ITGB1: variants seen among roughly 807,000 people sequenced by gnomAD.
The protein encoded by ITGB1 is integrin beta-1.
Under a neutral mutation model 86.5 loss-of-function variants are expected in ITGB1, and 24 were observed. The ratio of observed to expected loss-of-function variants is 0.28; its 90% CI spans 0.20 to 0.39. The LOEUF (loss-of-function observed/expected upper bound fraction) is 0.39. Ranked by LOEUF, ITGB1 falls within the 10% of genes least tolerant of loss-of-function variation. ITGB1 has a pLI of 1.00. For missense variants in ITGB1, 556 were observed against 946.9 expected (o/e 0.59, Z 5.42); for synonymous variants, 323 against 316.8 (o/e 1.02, Z -0.21).
chr10:32,930,159 C>T, intron 3 of ITGB1, 115 bp from the exon 4 acceptor site: 1 of 631,262 alleles, frequency 1.6e-6, no homozygotes, highest in Non-Finnish European at 2.8e-6. Flanking sequence ...TCTAATGTAC[C>T]CCAATTCTGG....
chr10:32,911,847 G>A (rs2094914446), intron 12 of ITGB1, 39 bp downstream of exon 12: 1 of 1,542,534 alleles, frequency 6.5e-7, no homozygotes, highest in East Asian at 2.2e-5. Flanking sequence ...GGCATTAGAT[G>A]GGATCACATC....
At chr10:32,939,281 G>A (rs978633710) in intron 1 of ITGB1, among the ~76,000 whole-genome samples, 1 of 152,152 alleles carries the variant, frequency 6.6e-6, no homozygotes, top group African/African-American at 2.4e-5. Flanking sequence ...TAATTCTAAC[G>A]CTTGTCTCCT....
rs750070204 is a variant in ITGB1, at chr10:32,932,619, A to T, written c.68-19T>A. ...TTTTCATCTGTCAGAAAGAAGAAAG[A>T]ACAGAACATTTTATGTGAAGTGTCA... On this transcript the variant is annotated intron_variant, in intron 2 of 15. Coordinates refer to ENST00000302278, the MANE Select transcript of ITGB1 (RefSeq NM_002211.4). The T allele has an allele frequency of 1.7e-5, 24 of 1,380,548 alleles. No individual in the cohort carries two copies. The East Asian group carries it at 5.5e-4, about 32-fold the overall frequency. 85.5% of individuals were successfully genotyped at this position (1,380,548 alleles called of 1,614,324 possible).
intron 1 of ITGB1, 79 bp from the exon 2 acceptor site, chr10:32,935,637 C>A: frequency 1.0e-6 from 1 of 974,958 alleles, no homozygotes; most frequent in South Asian, 1.4e-5. Flanking sequence ...ATTACCCCAC[C>A]GTACCTTCTA....
chr10:32,917,805 GA>G (rs1171666567), intron 11 of ITGB1, among the ~76,000 whole-genome samples: 3 of 152,060 alleles, frequency 2.0e-5, no homozygotes, highest in Non-Finnish European at 4.4e-5. Flanking sequence ...AAGGATCTAG[GA>G]CTAGAAATAC....
Position 32,944,814 on chromosome 10 carries a change from C to T in ITGB1, c.1-9256G>A, listed in dbSNP as rs1593884596. 4 of 911,732 alleles carry T rather than the reference C, an allele frequency of 4.4e-6. No homozygotes were observed. In the East Asian group the frequency reaches 1.0e-4, roughly 24 times the overall value. 56.5% of individuals were successfully genotyped at this position (911,732 alleles called of 1,614,324 possible). ...TGAGTCTACAACATTGAATTCAACC[C>T]TCCCAAAACTGTGGGCACTGATGAT... On this transcript the variant is annotated intron_variant, in intron 1 of 15. Coordinates refer to ENST00000302278, the MANE Select transcript of ITGB1 (RefSeq NM_002211.4).
intron 15 of ITGB1, among the ~76,000 whole-genome samples, chr10:32,905,723 A>T (rs961963167): frequency 1.3e-5 from 2 of 152,234 alleles, no homozygotes; most frequent in Admixed American, 1.3e-4. Context: ...CACTATGAAG[A>T]TTAAACACAG....
chr10:32,944,213 C>T (rs969817568), intron 1 of ITGB1, among the ~76,000 whole-genome samples: 2 of 152,220 alleles, frequency 1.3e-5, no homozygotes, highest in Non-Finnish European at 2.9e-5. Context: ...AGTACAGTGA[C>T]CAATGGCCAC....
intron 1 of ITGB1, among the ~76,000 whole-genome samples, chr10:32,940,298 T>C (rs1186004388): frequency 1.3e-5 from 2 of 150,546 alleles, no homozygotes; most frequent in Non-Finnish European, 2.9e-5. Flanking sequence ...TGCGCCAAAA[T>C]TGCGCCACTG....
intron 1 of ITGB1, among the ~76,000 whole-genome samples, chr10:32,954,745 G>A (rs963554708): frequency 6.6e-6 from 1 of 152,160 alleles, no homozygotes; most frequent in African/African-American, 2.4e-5. Context: ...TTGTGTGTAT[G>A]TGTGTATATA....
At chr10:32,917,833 C>T (rs1226683757) in intron 11 of ITGB1, among the ~76,000 whole-genome samples, 5 of 152,194 alleles carry the variant, frequency 3.3e-5, no homozygotes, top group African/African-American at 7.2e-5. Flanking sequence ...ACCCAGCCAT[C>T]CCATTACTGG....
intron 1 of ITGB1, among the ~76,000 whole-genome samples, chr10:32,947,105 AGTG>A (rs1399844589): frequency 2.0e-5 from 3 of 152,060 alleles, no homozygotes; most frequent in Non-Finnish European, 4.4e-5. Context: ...TGCCTCCCAA[AGTG>A]GTGGGATTAC....
intron 1 of ITGB1, among the ~76,000 whole-genome samples, chr10:32,937,676 C>T (rs942882879): frequency 4.7e-5 from 7 of 150,238 alleles, no homozygotes; most frequent in African/African-American, 1.7e-4. Flanking sequence ...AAAAATAATA[C>T]TAATAGTTTC....
At chr10:32,930,068 T>C (rs781386266) in intron 3 of ITGB1, 24 bp from the exon 4 acceptor site, 10 of 844,558 alleles carry the variant, frequency 1.2e-5, no homozygotes, top group Non-Finnish European at 2.0e-5. Flanking sequence ...AAAATATAGG[T>C]ATAAATGAAA....
chr10:32,907,091 T>C (rs1200316296), intron 15 of ITGB1: 2 of 1,360,054 alleles, frequency 1.5e-6, no homozygotes, highest in South Asian at 2.3e-5. Flanking sequence ...TTTACGTCCG[T>C]AGTTTGGATT....
At chr10:32,924,975 G>A (rs2094960546) in intron 6 of ITGB1, among the ~76,000 whole-genome samples, 1 of 152,108 alleles carries the variant, frequency 6.6e-6, no homozygotes, top group East Asian at 1.9e-4. Context: ...AGCATCAGTG[G>A]TGATAGAAAA....
chr10:32,928,155 T>C lies in ITGB1; in HGVS notation c.486A>G (p.Val162=), dbSNP rs142955186. The change falls in exon 5 of 16, where the codon GTA becomes GTG. Residue 162 remains valine (V), a synonymous_variant. Coordinates refer to ENST00000302278, the MANE Select transcript of ITGB1 (RefSeq NM_002211.4). ...TCATCAGATCTGTTCCAAGACTTTT[T>C]ACATTCTCCAAATCGTCTTTCATTG... The part of the protein sequence containing the change: ...SYSMKDDLEN[V]KSLGTDLMNE... The C allele has an allele frequency of 2.2e-5, 34 of 1,578,502 alleles. No homozygotes were observed. The African/African-American group carries it at 4.3e-4, about 20-fold the overall frequency.
intron 11 of ITGB1, among the ~76,000 whole-genome samples, chr10:32,914,800 C>A (rs2094926331): frequency 6.6e-6 from 1 of 152,066 alleles, no homozygotes; most frequent in Non-Finnish European, 1.5e-5. Flanking sequence ...GAACTCAGCT[C>A]TGCACCAAGT....
At chr10:32,930,126 A>ATT in intron 3 of ITGB1, 82 bp from the exon 4 acceptor site, 1 of 712,380 alleles carries the variant, frequency 1.4e-6, no homozygotes. Flanking sequence ...ATAAGCAATT[A>ATT]AATTGCAAAA....
Sources: gnomAD v4.1 joint callset for allele counts (sites outside exome capture counted in the v4.1 genomes callset) on GRCh38, gnomAD v4.1.1 for gene constraint, MANE v1.5 for transcripts, NCBI Gene and HGNC (gene_info 2026-07-23, HGNC 2026-07-21) for gene names.